Variants in AP4S1 observed in about 807,000 individuals in gnomAD.
AP4S1 encodes the protein adaptor related protein complex 4 subunit sigma 1.
A neutral mutation model predicts 19.8 loss-of-function variants in AP4S1; 23 were observed. The ratio of observed to expected loss-of-function variants is 1.16; its 90% CI spans 0.84 to 1.65. The LOEUF (loss-of-function observed/expected upper bound fraction) is 1.65, where lower values mean the gene tolerates loss of function less well. Among genes scored for constraint, AP4S1 ranks in the 40% most tolerant of loss-of-function variants. AP4S1 has a pLI of 0.00. For missense variants in AP4S1, 166 were observed against 172.8 expected (o/e 0.96, Z 0.22); for synonymous variants, 46 against 54.1 (o/e 0.85, Z 0.66).
At chr14:31,064,160 G>T (rs1010862550) in intron 1 of AP4S1, among the ~76,000 whole-genome samples, 1 of 152,230 alleles carries the variant, frequency 6.6e-6, no homozygotes, top group Non-Finnish European at 1.5e-5. Context: ...AGGAGGATGA[G>T]TTAGGGGTGT....
intron 5 of AP4S1, among the ~76,000 whole-genome samples, chr14:31,082,597 T>C (rs1266853976): frequency 6.6e-6 from 1 of 152,148 alleles, no homozygotes; most frequent in African/African-American, 2.4e-5. Flanking sequence ...ATGAGAGAAT[T>C]AAGACTAGAA....
intron 1 of AP4S1, among the ~76,000 whole-genome samples, chr14:31,041,075 C>CA (rs201251571): frequency 0.49 from 62,038 of 125,748 alleles, 14,364 homozygotes; most frequent in Admixed American, 0.61. Flanking sequence ...GACTCCATCT[C>CA]AAAAAAAAAA....
chr14:31,062,295 C>T (rs1886482743), intron 1 of AP4S1, among the ~76,000 whole-genome samples: 2 of 151,908 alleles, frequency 1.3e-5, no homozygotes, highest in African/African-American at 2.4e-5. Flanking sequence ...GATAGGGTTT[C>T]ACCATGTTGA....
intron 1 of AP4S1, among the ~76,000 whole-genome samples, chr14:31,045,401 C>A (rs1885338704): frequency 6.6e-6 from 1 of 152,058 alleles, no homozygotes; most frequent in South Asian, 2.1e-4. Flanking sequence ...GGGGCAGTTT[C>A]CTCCATGCTA....
intron 1 of AP4S1, among the ~76,000 whole-genome samples, chr14:31,063,260 T>G (rs571631677): frequency 6.6e-5 from 10 of 152,162 alleles, no homozygotes; most frequent in Admixed American, 6.5e-4. Context: ...GTGAAACCCA[T>G]CTCTGCTAAA....
chr14:31,035,046 G>C (rs1385382630), intron 1 of AP4S1, among the ~76,000 whole-genome samples: 1 of 151,996 alleles, frequency 6.6e-6, no homozygotes, highest in African/African-American at 2.4e-5. Flanking sequence ...TTTTCTGTGT[G>C]AAGAAATGTT....
Position 31,073,407 on chromosome 14 carries a change from G to C in AP4S1, c.294+434G>C, listed in dbSNP as rs1457427229. Among the ~76,000 whole-genome samples the C allele has an allele frequency of 2.2e-5, 3 of 135,042 alleles. 1 individual carries two copies. The highest frequency in any genetic ancestry group is 4.9e-5 in the Non-Finnish European group (3 of 60,832). 88.6% of individuals were successfully genotyped at this position (135,042 alleles called of 152,430 possible). Reference sequence around the variant, plus strand: ...CCGGAGGCTGAGGCAGGAGAATGGCGTGAACCCGGGAGGCGGAGCTTGCAG... The same window carrying C: ...CCGGAGGCTGAGGCAGGAGAATGGCCTGAACCCGGGAGGCGGAGCTTGCAG... On this transcript the variant is annotated intron_variant, in intron 4 of 5. Transcript: ENST00000542754.
chr14:31,067,876 AT>A (rs111376966), intron 2 of AP4S1, among the ~76,000 whole-genome samples: 131 of 139,494 alleles, frequency 9.4e-4, no homozygotes, highest in Middle Eastern at 4.5e-3. Context: ...TGAACACAAT[AT>A]TTTTTTTTTT....
chr14:31,059,707 C>CCATGAGCTTAT (rs1240425822), intron 1 of AP4S1, among the ~76,000 whole-genome samples: 1 of 152,032 alleles, frequency 6.6e-6, no homozygotes, highest in Non-Finnish European at 1.5e-5. Flanking sequence ...CCACCCACAG[C>CCATGAGCTTAT]CATGAGCTTA....
At chr14:31,077,086 C>T (rs927863303) in intron 4 of AP4S1, among the ~76,000 whole-genome samples, 8 of 152,056 alleles carry the variant, frequency 5.3e-5, no homozygotes, top group African/African-American at 7.2e-5. Flanking sequence ...TGCGCCACCA[C>T]GCCTGGCTAA....
intron 1 of AP4S1, among the ~76,000 whole-genome samples, chr14:31,033,919 GTT>G (rs747643728): frequency 2.6e-5 from 4 of 152,134 alleles, no homozygotes; most frequent in Non-Finnish European, 4.4e-5. Context: ...TGATAATATT[GTT>G]TAATAGCTAA....
chr14:31,055,724 G>C (rs1035079363), intron 1 of AP4S1, among the ~76,000 whole-genome samples: 82 of 30,640 alleles, frequency 2.7e-3, no homozygotes, highest in African/African-American at 3.6e-3. Context: ...TATTACCTTA[G>C]TGTTTGTGTG....
intron 1 of AP4S1, among the ~76,000 whole-genome samples, chr14:31,031,224 T>C (rs149277950): frequency 1.3e-3 from 204 of 152,328 alleles, no homozygotes; most frequent in African/African-American, 4.6e-3. Context: ...ATTAAACCTC[T>C]TTCCTTTATA....
chr14:31,058,285 A>C lies in AP4S1; in HGVS notation c.-71-7841A>C, dbSNP rs78549683. On this transcript the variant is annotated intron_variant, in intron 1 of 5. Transcript: ENST00000542754. ...CTAGTCTTAAAAGCATGTTCATGCT[A>C]ATCCAAGGAAAATGCTTGTTTGATT... 3.1e-3 allele frequency among the ~76,000 whole-genome samples: 475 copies of C among 152,256 alleles called. 1 individual carries two copies. The highest frequency in any genetic ancestry group is 0.011 in the African/African-American group (446 of 41,556).
intron 1 of AP4S1, among the ~76,000 whole-genome samples, chr14:31,028,381 A>C (rs1199294726): frequency 6.6e-6 from 1 of 151,740 alleles, no homozygotes; most frequent in African/African-American, 2.4e-5. Flanking sequence ...TTTTGTCATG[A>C]TGCCCAGGCT....
chr14:31,080,665 A>C lies in AP4S1; in HGVS notation c.306+81A>C, dbSNP rs375809898. On this transcript the variant is annotated intron_variant, in intron 5 of 5. Transcript: ENST00000542754. Reference sequence around the variant, plus strand: ...ATCAGGTAAGTACCACAAGGCAGGAAAACTATTCAGCAGAGTCCAGAGTGT... The same window carrying C: ...ATCAGGTAAGTACCACAAGGCAGGACAACTATTCAGCAGAGTCCAGAGTGT... 1.3e-5 allele frequency: 21 copies of C among 1,595,630 alleles called. No individual in the cohort carries two copies. The Middle Eastern group carries it at 6.6e-4, about 50-fold the overall frequency.
intron 5 of AP4S1, among the ~76,000 whole-genome samples, chr14:31,089,328 T>A (rs553218644): frequency 7.6e-4 from 115 of 152,292 alleles, no homozygotes; most frequent in African/African-American, 2.6e-3. Context: ...TGGTGGGAAA[T>A]TAAAGTATGA....
intron 1 of AP4S1, among the ~76,000 whole-genome samples, chr14:31,050,958 G>T (rs558584789): frequency 3.3e-5 from 5 of 151,760 alleles, no homozygotes; most frequent in Non-Finnish European, 5.9e-5. Flanking sequence ...TTTGTCTAAT[G>T]TATTTTCTCA....
intron 1 of AP4S1, among the ~76,000 whole-genome samples, chr14:31,056,096 C>T (rs1399043133): frequency 1.3e-5 from 2 of 151,968 alleles, no homozygotes; most frequent in African/African-American, 4.8e-5. Flanking sequence ...CTGCCCGCCT[C>T]GGCCTCCCAA....
Sources: allele counts gnomAD v4.1 joint callset (sites outside exome capture counted in the v4.1 genomes callset), GRCh38; gene constraint gnomAD v4.1.1; transcripts MANE v1.5; gene names NCBI Gene and HGNC (gene_info 2026-07-23, HGNC 2026-07-21).